Variants in USP32 observed in about 807,000 individuals in gnomAD.
USP32 encodes the protein ubiquitin carboxyl-terminal hydrolase 32.
Under a neutral mutation model 204.8 loss-of-function variants are expected in USP32, and 59 were observed. That is an observed-to-expected ratio of 0.29 (90% confidence interval 0.23 to 0.36). The LOEUF is 0.36. USP32 is among the 10% of genes least tolerant of loss of function. The pLI is 1.00. For synonymous variants in USP32, 517 were observed against 678.4 expected (o/e 0.76, Z 3.70); for missense variants, 1,160 against 1,946.4 (o/e 0.60, Z 7.60).
Position 60,245,853 on chromosome 17 carries a change from A to G in USP32, c.1136+6528T>C, listed in dbSNP as rs569359700. 1.9e-3 allele frequency among the ~76,000 whole-genome samples: 290 copies of G among 150,620 alleles called. 1 individual carries two copies. The highest frequency in any genetic ancestry group is 6.6e-3 in the African/African-American group (272 of 41,166). Reference sequence around the variant, plus strand: ...CTTTAGTTCACCTTCTTTTTTTTTTAATGTGTTTTTTTTTAAAAAGCTTTA... The same window carrying G: ...CTTTAGTTCACCTTCTTTTTTTTTTGATGTGTTTTTTTTTAAAAAGCTTTA... On this transcript the variant is annotated intron_variant, in intron 11 of 33. Transcript: ENST00000300896.
intron 1 of USP32, chr17:60,421,813 A>G: frequency 1.0e-6 from 1 of 971,928 alleles, no homozygotes; most frequent in Non-Finnish European, 1.2e-6. Context: ...GGGTGGCGGG[A>G]CTTTCGCCGA....
Position 60,266,081 on chromosome 17 carries a change from C to T in USP32, c.822G>A (p.Lys274=). 2 of 1,613,356 alleles carry T rather than the reference C, an allele frequency of 1.2e-6. No individual in the cohort carries two copies. The highest frequency in any genetic ancestry group is 2.2e-5 in the East Asian group (1 of 44,850). The change falls in exon 8 of 34, where the codon AAG becomes AAA. Residue 274 remains lysine, a synonymous_variant. Coordinates refer to ENST00000300896, the MANE Select transcript of USP32 (RefSeq NM_032582.4). ...CTCCATCACGGTCAACATCAAATACCTTGAAGCAAACTAATGAAAAGAAAC... is the reference window on the plus strand; with the variant it reads ...CTCCATCACGGTCAACATCAAATACTTTGAAGCAAACTAATGAAAAGAAAC... The part of the protein sequence containing the change: ...PLAERQKFCF[K]VFDVDRDGVL...
At chr17:60,231,937 G>T (rs1472229475) in intron 12 of USP32, among the ~76,000 whole-genome samples, 2 of 152,126 alleles carry the variant, frequency 1.3e-5, no homozygotes, top group Admixed American at 6.5e-5. Flanking sequence ...CAGCAAATCT[G>T]GGGTTAGCCA....
intron 1 of USP32, among the ~76,000 whole-genome samples, chr17:60,390,076 A>C (rs1351705997): frequency 6.6e-6 from 1 of 152,202 alleles, no homozygotes; most frequent in East Asian, 1.9e-4. Context: ...AGATTTTGCT[A>C]TCTCTTCAAA....
chr17:60,228,448 T>G (rs777665499), intron 12 of USP32, among the ~76,000 whole-genome samples: 6 of 152,070 alleles, frequency 3.9e-5, no homozygotes, highest in African/African-American at 4.8e-5. Context: ...TAATATGGAA[T>G]TCATACCAAC....
At chr17:60,385,647 G>T (rs2089718361) in intron 1 of USP32, among the ~76,000 whole-genome samples, 1 of 152,106 alleles carries the variant, frequency 6.6e-6, no homozygotes, top group African/African-American at 2.4e-5. Flanking sequence ...TTCCAGACCA[G>T]CCTGGCCAAC....
intron 1 of USP32, among the ~76,000 whole-genome samples, chr17:60,373,836 A>G (rs2089490092): frequency 6.6e-6 from 1 of 152,172 alleles, no homozygotes; most frequent in Admixed American, 6.5e-5. Flanking sequence ...CACATTGTAC[A>G]GTGTCCAAAA....
chr17:60,380,187 A>C, intron 1 of USP32, among the ~76,000 whole-genome samples: 1 of 152,332 alleles, frequency 6.6e-6, no homozygotes, highest in East Asian at 1.9e-4. Context: ...ACATTGTACA[A>C]TACAAAATTA....
intron 26 of USP32, among the ~76,000 whole-genome samples, chr17:60,199,962 G>A (rs1201952261): frequency 3.3e-5 from 5 of 152,146 alleles, no homozygotes; most frequent in African/African-American, 7.2e-5. Context: ...TCAGGAGGCC[G>A]AGGCGGGCGG....
At chr17:60,403,035 C>T (rs2089948267) in intron 1 of USP32, among the ~76,000 whole-genome samples, 1 of 151,632 alleles carries the variant, frequency 6.6e-6, no homozygotes, top group African/African-American at 2.4e-5. Flanking sequence ...TTTTTTGAGA[C>T]GGAGTCTCGC....
intron 1 of USP32, among the ~76,000 whole-genome samples, chr17:60,359,865 A>G (rs2089164019): frequency 1.3e-5 from 2 of 151,946 alleles, no homozygotes; most frequent in South Asian, 4.1e-4. Context: ...TTTGTAAGAC[A>G]AAGATTTTTT....
At chr17:60,326,266 G>A (rs1042165047) in intron 2 of USP32, among the ~76,000 whole-genome samples, 19 of 151,364 alleles carry the variant, frequency 1.3e-4, no homozygotes, top group African/African-American at 4.6e-4. Flanking sequence ...CTCTGCCCTA[G>A]TAACCTGATT....
chr17:60,257,325 C>A (rs2086335386), intron 9 of USP32, among the ~76,000 whole-genome samples: 1 of 152,122 alleles, frequency 6.6e-6, no homozygotes, highest in Non-Finnish European at 1.5e-5. Context: ...CTTCGTGGAT[C>A]ACATGTGCCA....
At chr17:60,393,809 C>T (rs1195915757), upstream of USP32, among the ~76,000 whole-genome samples, 1 of 151,948 alleles carries the variant, frequency 6.6e-6, no homozygotes, top group Non-Finnish European at 1.5e-5. Context: ...CTCAGCCTCC[C>T]GAGTAGTTGG....
intron 9 of USP32, among the ~76,000 whole-genome samples, chr17:60,260,510 C>A (rs542481475): frequency 1.1e-4 from 15 of 140,306 alleles, no homozygotes; most frequent in Non-Finnish European, 2.0e-4. Flanking sequence ...GTGACAAGAG[C>A]AAGACTTTAA....
chr17:60,325,735 T>C (rs1481780563), intron 2 of USP32, among the ~76,000 whole-genome samples: 4 of 152,038 alleles, frequency 2.6e-5, no homozygotes, highest in Non-Finnish European at 5.9e-5. Context: ...AACACCAGCC[T>C]GGGCAACACA....
chr17:60,358,361 G>A (rs2089134722), intron 1 of USP32, among the ~76,000 whole-genome samples: 1 of 152,008 alleles, frequency 6.6e-6, no homozygotes, highest in African/African-American at 2.4e-5. Context: ...GATCACTTGA[G>A]GTCAGGAGTT....
intron 1 of USP32, among the ~76,000 whole-genome samples, chr17:60,372,202 C>T (rs575441590): frequency 6.6e-6 from 1 of 152,250 alleles, no homozygotes; most frequent in Non-Finnish European, 1.5e-5. Context: ...AAGTGGTCTC[C>T]TCTAAGAGAA....
At chr17:60,288,444 A>G in intron 5 of USP32, 79 bp downstream of exon 5, 1 of 1,460,140 alleles carries the variant, frequency 6.8e-7, no homozygotes, top group Non-Finnish European at 9.2e-7. Context: ...TTTCTCCTTT[A>G]TAAGCATATT....
Sources: gnomAD v4.1 joint callset for allele counts (sites outside exome capture counted in the v4.1 genomes callset) on GRCh38, gnomAD v4.1.1 for gene constraint, MANE v1.5 for transcripts, NCBI Gene and HGNC (gene_info 2026-07-23, HGNC 2026-07-21) for gene names.